Variants in KAZN observed in about 807,000 individuals in gnomAD.
The protein encoded by KAZN is kazrin.
A neutral mutation model predicts 87.4 loss-of-function variants in KAZN; 40 were observed. The observed-to-expected ratio is 0.46, with a 90% CI of 0.36 to 0.60. The LOEUF (loss-of-function observed/expected upper bound fraction) is 0.60. Ranked by LOEUF, KAZN falls within the 20% of genes least tolerant of loss-of-function variation. The pLI, the probability that KAZN is intolerant of heterozygous loss-of-function variation, is 0.00. For synonymous variants in KAZN, 466 were observed against 458.3 expected (o/e 1.02, Z -0.22); for missense variants, 898 against 1,073.9 (o/e 0.84, Z 2.29).
chr1:15,003,223 C>T (rs1161218605), intron 2 of KAZN, among the ~76,000 whole-genome samples: 1 of 152,078 alleles, frequency 6.6e-6, no homozygotes, highest in Non-Finnish European at 1.5e-5. Flanking sequence ...CTAGAGCTTT[C>T]CAGGTGGGAT....
At chr1:14,102,312 G>A (rs868795891) in intron 1 of KAZN, among the ~76,000 whole-genome samples, 8 of 152,038 alleles carry the variant, frequency 5.3e-5, no homozygotes, top group Non-Finnish European at 7.4e-5. Context: ...AGACAGCCTG[G>A]GAAAAAAATG....
chr1:14,776,933 CAAAAAAA>C (rs56275592), intron 1 of KAZN, among the ~76,000 whole-genome samples: 11 of 113,090 alleles, frequency 9.7e-5, no homozygotes, highest in African/African-American at 2.8e-4. Flanking sequence ...TACCCTGTCT[CAAAAAAA>C]AAAAAAAAAA....
chr1:14,008,197 T>C (rs1324195449), intron 1 of KAZN, among the ~76,000 whole-genome samples: 1 of 152,196 alleles, frequency 6.6e-6, no homozygotes, highest in African/African-American at 2.4e-5. Flanking sequence ...CTCCTGTGCC[T>C]AAATGCATCT....
intron 2 of KAZN, among the ~76,000 whole-genome samples, chr1:14,318,282 A>C (rs1655796355): frequency 6.6e-6 from 1 of 152,126 alleles, no homozygotes; most frequent in Admixed American, 6.5e-5. Flanking sequence ...TATGTCTAGA[A>C]AAGTATTTTG....
chr1:14,711,942 A>G (rs1389485342), intron 1 of KAZN, among the ~76,000 whole-genome samples: 1 of 152,206 alleles, frequency 6.6e-6, no homozygotes, highest in Non-Finnish European at 1.5e-5. Flanking sequence ...CACGCAGTAG[A>G]TAACTAATAC....
chr1:14,701,736 G>A (rs1451477956), intron 1 of KAZN, among the ~76,000 whole-genome samples: 1 of 152,194 alleles, frequency 6.6e-6, no homozygotes, highest in African/African-American at 2.4e-5. Flanking sequence ...GGTCGAGGCT[G>A]TAGTGAGCTG....
intron 1 of KAZN, among the ~76,000 whole-genome samples, chr1:14,010,290 C>T (rs921995457): frequency 6.6e-6 from 1 of 152,142 alleles, no homozygotes; most frequent in Non-Finnish European, 1.5e-5. Flanking sequence ...TTTGGTCTTA[C>T]TATATAAAAC....
At chr1:14,364,519 A>G (rs958501102) in intron 2 of KAZN, among the ~76,000 whole-genome samples, 9 of 152,238 alleles carry the variant, frequency 5.9e-5, no homozygotes, top group African/African-American at 2.2e-4. Context: ...GTTATTTAGC[A>G]TAACAGTATA....
At chr1:14,570,923 C>T (rs1674824617) in intron 2 of KAZN, among the ~76,000 whole-genome samples, 1 of 152,310 alleles carries the variant, frequency 6.6e-6, no homozygotes, top group African/African-American at 2.4e-5. Context: ...CTCTTACTTA[C>T]TCCTGACCTC....
chr1:15,079,884 G>A (rs1035478152), intron 8 of KAZN, among the ~76,000 whole-genome samples: 4 of 152,224 alleles, frequency 2.6e-5, no homozygotes, highest in African/African-American at 9.7e-5. Context: ...GGAAGAAAGA[G>A]GAAAGCTTTT....
Position 15,116,613 on chromosome 1 carries a change from A to C in KAZN, c.*1978A>C, listed in dbSNP as rs1307619502. 6.6e-6 allele frequency: 1 copy of C among 152,246 alleles called. No homozygotes were observed. Among genetic ancestry groups the C allele is most frequent in the Non-Finnish European group, 1.5e-5 (1 of 68,048 alleles). The allele number at this position is 152,246 out of a possible 1,614,324, so 9.4% of individuals were successfully genotyped here. A position where few individuals can be genotyped will look rare whatever the true frequency, so the allele number is the denominator to read the frequency against. On this transcript the variant is annotated 3_prime_UTR_variant, in exon 15 of 15. Transcript: ENST00000376030. ...GAAAGGAGAGGTGAGACCTCCCTCC[A>C]ACCTGGTGCCACAGGTCTCTCCCAA...
At chr1:14,145,598 T>G (rs75025671) in intron 1 of KAZN, among the ~76,000 whole-genome samples, 1 of 152,060 alleles carries the variant, frequency 6.6e-6, no homozygotes, top group Non-Finnish European at 1.5e-5. Context: ...TTTTTTTTTT[T>G]GAGACAGAGT....
chr1:14,786,756 C>T (rs895942775), intron 1 of KAZN, among the ~76,000 whole-genome samples: 1 of 152,144 alleles, frequency 6.6e-6, no homozygotes, highest in Non-Finnish European at 1.5e-5. Context: ...CTCAGATAAC[C>T]CTAGCACTCT....
chr1:14,829,287 T>C (rs1277756056), intron 1 of KAZN, among the ~76,000 whole-genome samples: 1 of 152,220 alleles, frequency 6.6e-6, no homozygotes, highest in South Asian at 2.1e-4. Context: ...TTAATCAGTA[T>C]CTAGTGGATA....
At chr1:14,782,558 A>G (rs1645387605) in intron 1 of KAZN, among the ~76,000 whole-genome samples, 1 of 141,330 alleles carries the variant, frequency 7.1e-6, no homozygotes, top group Admixed American at 7.1e-5. Context: ...AAAGAGCAAA[A>G]AAAAAAAAAA....
At chr1:14,066,131 C>T (rs1642999971) in intron 1 of KAZN, among the ~76,000 whole-genome samples, 2 of 152,196 alleles carry the variant, frequency 1.3e-5, no homozygotes, top group African/African-American at 4.8e-5. Context: ...CCTCCAGCTA[C>T]ATCCAAGTTG....
At chr1:14,400,184 T>G (rs1663280992) in intron 2 of KAZN, among the ~76,000 whole-genome samples, 1 of 152,122 alleles carries the variant, frequency 6.6e-6, no homozygotes, top group Non-Finnish European at 1.5e-5. Flanking sequence ...TGTTCACATG[T>G]CTTTCTTTGA....
rs370168854 is a variant in KAZN, at chr1:14,159,312, G to C, written c.92-21123G>C. ...TTGTACTGTAGCTGATCTGGCACTT[G>C]AACCACAAGACACAGTCCTTCCCAC... On this transcript the variant is annotated intron_variant, in intron 1 of 16. Transcript: ENST00000636203. 6.6e-5 allele frequency among the ~76,000 whole-genome samples: 10 copies of C among 152,304 alleles called. No individual in the cohort carries two copies. The East Asian group carries it at 1.5e-3, about 24-fold the overall frequency.
At chr1:14,531,231 C>G (rs1244902236) in intron 2 of KAZN, among the ~76,000 whole-genome samples, 4 of 152,194 alleles carry the variant, frequency 2.6e-5, no homozygotes, top group Admixed American at 6.5e-5. Context: ...ATGGAAACTT[C>G]TATGAGCAGA....
Sources: allele counts gnomAD v4.1 joint callset (sites outside exome capture counted in the v4.1 genomes callset), GRCh38; gene constraint gnomAD v4.1.1; transcripts MANE v1.5; gene names NCBI Gene and HGNC (gene_info 2026-07-23, HGNC 2026-07-21).